UNC79: variants seen among roughly 807,000 people sequenced by gnomAD.
The protein encoded by UNC79 is protein unc-79 homolog.
In UNC79, 37 loss-of-function variants were observed where a neutral mutation model predicts 283.1. The ratio of observed to expected loss-of-function variants is 0.13; its 90% CI spans 0.10 to 0.17. The LOEUF is 0.17. Ranked by LOEUF, UNC79 falls within the 10% of genes least tolerant of loss-of-function variation. The pLI is 1.00. For synonymous variants in UNC79, 1,107 were observed against 1,200.2 expected (o/e 0.92, Z 1.61); for missense variants, 2,272 against 3,211.1 (o/e 0.71, Z 7.07).
chr14:93,518,001 A>G (rs1030161340), intron 7 of UNC79, among the ~76,000 whole-genome samples: 2 of 151,772 alleles, frequency 1.3e-5, no homozygotes, highest in African/African-American at 4.8e-5. Context: ...ATATTGCTAG[A>G]TTTAATTTTC....
chr14:93,664,129 A>G (rs2071904973), intron 40 of UNC79, among the ~76,000 whole-genome samples: 1 of 152,268 alleles, frequency 6.6e-6, no homozygotes, highest in South Asian at 2.1e-4. Context: ...TGGTGTTCCT[A>G]CCTTCCTCAC....
chr14:93,381,511 T>C (rs1370409904), intron 1 of UNC79, among the ~76,000 whole-genome samples: 1 of 152,070 alleles, frequency 6.6e-6, no homozygotes, highest in Non-Finnish European at 1.5e-5. Flanking sequence ...GTTTGGAAAA[T>C]AGCAACATTC....
intron 14 of UNC79, among the ~76,000 whole-genome samples, chr14:93,551,388 C>T (rs1484949456): frequency 6.6e-6 from 1 of 152,078 alleles, no homozygotes; most frequent in African/African-American, 2.4e-5. Flanking sequence ...GAATTGACAT[C>T]GGCGGTAGAG....
At chr14:93,568,601 G>A (rs1472434472) in intron 14 of UNC79, among the ~76,000 whole-genome samples, 1 of 152,142 alleles carries the variant, frequency 6.6e-6, no homozygotes, top group Non-Finnish European at 1.5e-5. Context: ...AATCTGGGAG[G>A]TGGAGGCTGC....
chr14:93,693,559 A>G (rs1477352561), intron 46 of UNC79, among the ~76,000 whole-genome samples: 1 of 152,224 alleles, frequency 6.6e-6, no homozygotes, highest in African/African-American at 2.4e-5. Flanking sequence ...AAATCCAGCC[A>G]TAGGAATTTC....
chr14:93,634,617 A>G, intron 31 of UNC79: 2 of 1,614,010 alleles, frequency 1.2e-6, no homozygotes, highest in Non-Finnish European at 1.7e-6. Context: ...GCCCCCCATA[A>G]CATCAGCAAC....
intron 14 of UNC79, among the ~76,000 whole-genome samples, chr14:93,557,432 T>C (rs1470636222): frequency 6.6e-6 from 1 of 152,182 alleles, no homozygotes; most frequent in Non-Finnish European, 1.5e-5. Context: ...ACTCTGGCTC[T>C]CCTAGGCTCC....
At chr14:93,435,392 T>C (rs957460355) in intron 1 of UNC79, among the ~76,000 whole-genome samples, 1 of 152,264 alleles carries the variant, frequency 6.6e-6, no homozygotes. Context: ...TTCTTAGGGC[T>C]GTCTTCTTCC....
At chr14:93,334,968 C>T (rs1193500419) in intron 1 of UNC79, 1 of 152,230 alleles carries the variant, frequency 6.6e-6, no homozygotes, top group Non-Finnish European at 1.5e-5. Flanking sequence ...ACTGTTTACA[C>T]TTATTACTAA....
At chr14:93,532,673 T>G (rs1343755735) in intron 11 of UNC79, 95 bp downstream of exon 11, 1 of 1,470,754 alleles carries the variant, frequency 6.8e-7, no homozygotes, top group Non-Finnish European at 9.4e-7. Context: ...CACCGTGGTT[T>G]CCAGTATATG....
At chr14:93,603,545 T>G (rs932064340) in intron 26 of UNC79, 127 bp downstream of exon 26, 4 of 1,164,280 alleles carry the variant, frequency 3.4e-6, no homozygotes, top group Non-Finnish European at 4.7e-6. Flanking sequence ...TAAGTTTGGC[T>G]TTCAGATTCC....
intron 27 of UNC79, among the ~76,000 whole-genome samples, chr14:93,614,635 TA>T (rs60270149): frequency 0.041 from 5,687 of 138,696 alleles, 94 homozygotes; most frequent in South Asian, 0.089. Context: ...TGTGTGTGTT[TA>T]AAAAAAAAAA....
chr14:93,594,801 G>A (rs8017815), intron 23 of UNC79, among the ~76,000 whole-genome samples: 3,933 of 152,162 alleles, frequency 0.026, 63 homozygotes, highest in South Asian at 0.09. Flanking sequence ...GGTAGCAGGC[G>A]GGGTCGGCAT....
intron 14 of UNC79, among the ~76,000 whole-genome samples, chr14:93,556,813 C>T (rs545413622): frequency 6.6e-6 from 1 of 152,232 alleles, no homozygotes; most frequent in African/African-American, 2.4e-5. Context: ...TACCATAGAG[C>T]TCTTTAAAAA....
At chr14:93,627,536 A>G (rs1164772452) in intron 30 of UNC79, among the ~76,000 whole-genome samples, 1 of 152,206 alleles carries the variant, frequency 6.6e-6, no homozygotes, top group Non-Finnish European at 1.5e-5. Context: ...GAAGCCTGGA[A>G]ATATTCTGCC....
chr14:93,670,057 G>C (rs1025404568), intron 40 of UNC79, among the ~76,000 whole-genome samples: 2 of 152,170 alleles, frequency 1.3e-5, no homozygotes, highest in Admixed American at 6.5e-5. Flanking sequence ...CTTGCAATGT[G>C]CTGTTGTTTG....
At position 93,587,922 on chromosome 14, in the gene UNC79, G is replaced by A. The variant is rs113229507; in HGVS notation, c.3032+1014G>A. Among the ~76,000 whole-genome samples the A allele has an allele frequency of 2.8e-3, 433 of 152,278 alleles. 3 individuals are homozygous for A. Among genetic ancestry groups the A allele is most frequent in the African/African-American group, 8.2e-3 (339 of 41,542 alleles). On this transcript the variant is annotated intron_variant, in intron 22 of 48. Transcript: ENST00000555664. ...TCTGGAGACAATACCACTTGAATGG[G>A]CATTGAGATAACGATAGAATTTTCA...
At chr14:93,393,374 C>G (rs1316782440) in intron 1 of UNC79, among the ~76,000 whole-genome samples, 3 of 152,012 alleles carry the variant, frequency 2.0e-5, no homozygotes, top group African/African-American at 7.3e-5. Context: ...AGAAGCTGGT[C>G]CTTATATTTG....
intron 1 of UNC79, among the ~76,000 whole-genome samples, chr14:93,380,629 A>G (rs1025553511): frequency 6.6e-6 from 1 of 152,188 alleles, no homozygotes; most frequent in Non-Finnish European, 1.5e-5. Context: ...CTGTTAGACT[A>G]TAAGCTCCAT....
Sources: gnomAD v4.1 joint callset for allele counts (sites outside exome capture counted in the v4.1 genomes callset) on GRCh38, gnomAD v4.1.1 for gene constraint, MANE v1.5 for transcripts, NCBI Gene and HGNC (gene_info 2026-07-23, HGNC 2026-07-21) for gene names.